CASKIN1: variants seen among roughly 807,000 people sequenced by gnomAD.
CASKIN1 encodes the protein CASK interacting protein 1.
CASKIN1 carries 42 observed loss-of-function variants against 117.5 expected under a neutral mutation model. The observed-to-expected ratio is 0.36, with a 90% confidence interval of 0.28 to 0.46. The LOEUF is 0.46. CASKIN1 is among the 20% of genes least tolerant of loss of function. The pLI, the probability that CASKIN1 is intolerant of heterozygous loss-of-function variation, is 1.00. For synonymous variants in CASKIN1, 1,148 were observed against 961.7 expected, an observed-to-expected ratio of 1.19 and a Z score of -3.59; for missense variants, 2,083 against 2,077.3, an observed-to-expected ratio of 1.00 and a Z score of -0.05.
intron 6 of CASKIN1, among the ~76,000 whole-genome samples, chr16:2,188,062 T>TC (rs1362492560): frequency 6.6e-6 from 1 of 151,630 alleles, no homozygotes; most frequent in African/African-American, 2.4e-5. Context: ...TTTTTTTTTT[T>TC]TGCCTTTGTT....
chr16:2,192,136 A>G (rs915936998), intron 1 of CASKIN1, among the ~76,000 whole-genome samples: 6 of 152,012 alleles, frequency 3.9e-5, no homozygotes, highest in African/African-American at 1.5e-4. Flanking sequence ...TACAAAAAAT[A>G]AAGGAAAAAA....
At chr16:2,194,479 A>G (rs2093210153) in intron 1 of CASKIN1, among the ~76,000 whole-genome samples, 1 of 152,134 alleles carries the variant, frequency 6.6e-6, no homozygotes, top group Non-Finnish European at 1.5e-5. Context: ...AGAGGGGACC[A>G]TGGAAGCAAA....
In CASKIN1 at chr16:2,196,462, G is replaced by GC. The variant is rs1773882700; in HGVS notation, c.-31dup. On this transcript the variant is annotated 5_prime_UTR_variant, in exon 1 of 20. Coordinates refer to ENST00000343516, the MANE Select transcript of CASKIN1 (RefSeq NM_020764.4). This position sits in a 1 kb window ranked among gnomAD's most constrained non-coding sequence, Gnocchi z 5.7. ...CGGCCGGGGCCGCAGCGACGCGGCT[G>GC]CGCTCGTGAGCTCGGCGCGGCTCAG... The GC allele has an allele frequency of 8.9e-7, 1 of 1,126,412 alleles. No individual in the cohort carries two copies. Among genetic ancestry groups the GC allele is most frequent in the South Asian group, 2.6e-5 (1 of 39,010 alleles). The allele number at this position is 1,126,412 out of a possible 1,614,324, so 69.8% of individuals were successfully genotyped here. A position where few individuals can be genotyped will look rare whatever the true frequency, so the allele number is the denominator to read the frequency against.
At chr16:2,192,128 C>CA (rs1156621678) in intron 1 of CASKIN1, among the ~76,000 whole-genome samples, 1 of 151,860 alleles carries the variant, frequency 6.6e-6, no homozygotes, top group African/African-American at 2.4e-5. Context: ...CTTGTCTCTA[C>CA]AAAAAATAAA....
At position 2,179,993 on chromosome 16, in the gene CASKIN1, CTT is replaced by C; in HGVS notation, c.3373_3374del (p.Lys1125GlufsTer21). ...GGTTCTGCTTGGCCCGGATGCGCCTCTTGAGTGTGGCGCTGGCTTCCACCTTG... is the reference window on the plus strand; with the variant it reads ...GGTTCTGCTTGGCCCGGATGCGCCTCGAGTGTGGCGCTGGCTTCCACCTTG... ...LAKVEASATL[K>X]RRIRAKQNQQ... On this transcript the variant is annotated frameshift_variant, in exon 18 of 20. Transcript: ENST00000343516. LOFTEE classifies it high-confidence loss of function. This position sits in a 1 kb window ranked among gnomAD's most constrained non-coding sequence, Gnocchi z 5.8. 3 of 1,604,758 alleles carry C rather than the reference CTT, an allele frequency of 1.9e-6. No individual in the cohort carries two copies. Among genetic ancestry groups the C allele is most frequent in the African/African-American group, 1.3e-5 (1 of 74,822 alleles).
chr16:2,180,764 C>A lies in CASKIN1; in HGVS notation c.2604G>T (p.Glu868Asp). 7.0e-7 allele frequency: 1 copy of A among 1,434,148 alleles called. No homozygotes were observed. Among genetic ancestry groups the A allele is most frequent in the Non-Finnish European group, 9.1e-7 (1 of 1,101,860 alleles). The allele number at this position is 1,434,148 out of a possible 1,614,324, so 88.8% of individuals were successfully genotyped here. The stretch of plus-strand genomic sequence containing the variant: ...TGGGCCGCCCCGGCTCCGCGTCGGC[C>A]TCAGGGGGCAGGCACAGTGTGGGCA... The part of the protein sequence containing the change: ...TAVPTLCLPP[E>D]ADAEPGRPKK... The change falls in exon 18 of 20, where the codon GAG (glutamate) becomes GAT (aspartate). Residue 868 changes from glutamate (E) to aspartate (D), a missense_variant. Glu to Asp is a conservative substitution (Grantham distance 45). Coordinates refer to ENST00000343516, the MANE Select transcript of CASKIN1 (RefSeq NM_020764.4).
chr16:2,191,065 G>A (rs1202756365), intron 1 of CASKIN1, among the ~76,000 whole-genome samples: 1 of 152,226 alleles, frequency 6.6e-6, no homozygotes, highest in Non-Finnish European at 1.5e-5. Context: ...CCAGCCAGCT[G>A]CCAGAGGAGG....
At chr16:2,183,595 C>T (rs1438012633) in intron 16 of CASKIN1, 51 bp downstream of exon 16, 2 of 1,573,596 alleles carry the variant, frequency 1.3e-6, no homozygotes, top group Non-Finnish European at 1.7e-6. Context: ...CTCTGTCTGT[C>T]TGTCTGTCTG....
At position 2,178,467 on chromosome 16, in the gene CASKIN1, G is replaced by A. The variant is rs997379864; in HGVS notation, c.*83C>T. On this transcript the variant is annotated 3_prime_UTR_variant, in exon 20 of 20. Coordinates refer to ENST00000343516, the MANE Select transcript of CASKIN1 (RefSeq NM_020764.4). Reference sequence around the variant, plus strand: ...AGGGCCCTGCCCGGCCGCTCGCGCCGCGCCCAGACGCGCCCATCCTGAGGT... The same window carrying A: ...AGGGCCCTGCCCGGCCGCTCGCGCCACGCCCAGACGCGCCCATCCTGAGGT... 17 of 1,129,434 alleles carry A rather than the reference G, an allele frequency of 1.5e-5. No homozygotes were observed. The highest frequency in any genetic ancestry group is 2.0e-5 in the Non-Finnish European group (17 of 836,310). 70.0% of individuals were successfully genotyped at this position (1,129,434 alleles called of 1,614,324 possible).
At chr16:2,192,275 C>A (rs2093203395) in intron 1 of CASKIN1, among the ~76,000 whole-genome samples, 1 of 151,538 alleles carries the variant, frequency 6.6e-6, no homozygotes, top group Admixed American at 6.6e-5. Context: ...TGCATTCCAA[C>A]CTGGGTGACA....
rs1257435183 is a variant in CASKIN1, at chr16:2,179,827, G to A, written c.3541C>T (p.Pro1181Ser). The part of the protein sequence containing the change: ...HNGTGTVRRR[P>S]ASEQAGPPEL... ...GGAGGCCCAGCCTGCTCCGAGGCCG[G>A]TCGGCGGCGCACGGTGCCAGTGCCA... Residue 1181 changes from proline (P) to serine (S), a missense_variant, in exon 18 of 20, where the codon CCG becomes TCG. Physicochemically the swap from Pro to Ser is moderately conservative, Grantham distance 74. Coordinates refer to ENST00000343516, the MANE Select transcript of CASKIN1 (RefSeq NM_020764.4). The surrounding 1 kb of genome is among the most constrained non-coding windows in gnomAD (Gnocchi z 5.8). The A allele has an allele frequency of 1.3e-6, 2 of 1,596,018 alleles. No homozygotes were observed. The highest frequency in any genetic ancestry group is 2.7e-5 in the African/African-American group (2 of 74,676).
chr16:2,190,420 G>A, intron 1 of CASKIN1, 62 bp from the exon 2 acceptor site: 1 of 1,472,102 alleles, frequency 6.8e-7, no homozygotes. Flanking sequence ...CGGCCTGAGG[G>A]CAGGGAGAGG....
At position 2,182,035 on chromosome 16, in the gene CASKIN1, A is replaced by G; in HGVS notation, c.1630-106T>C. 6.6e-7 allele frequency: 1 copy of G among 1,512,402 alleles called. No homozygotes were observed. Among genetic ancestry groups the G allele is most frequent in the Non-Finnish European group, 9.0e-7 (1 of 1,107,210 alleles). The allele number at this position is 1,512,402 out of a possible 1,614,324, so 93.7% of individuals were successfully genotyped here. A position where few individuals can be genotyped will look rare whatever the true frequency, so the allele number is the denominator to read the frequency against. On this transcript the variant is annotated intron_variant, in intron 16 of 19. Transcript: ENST00000343516. The surrounding 1 kb of genome is among the most constrained non-coding windows in gnomAD (Gnocchi z 4.1). ...GTCACCGGGCCAGCAGGGCACAGAC[A>G]GACAGGAGGACAAACGGATAGGCCG...
Position 2,178,414 on chromosome 16 carries a change from G to A in CASKIN1, c.*136C>T. 3.4e-6 allele frequency: 2 copies of A among 596,252 alleles called. No individual in the cohort carries two copies. The highest frequency in any genetic ancestry group is 5.3e-6 in the Non-Finnish European group (2 of 379,850). 36.9% of individuals were successfully genotyped at this position (596,252 alleles called of 1,614,324 possible). On this transcript the variant is annotated 3_prime_UTR_variant, in exon 20 of 20. Coordinates refer to ENST00000343516, the MANE Select transcript of CASKIN1 (RefSeq NM_020764.4). The stretch of plus-strand genomic sequence containing the variant: ...GGTCCCCGGTGGGCGCCCCGGCCCG[G>A]GTCCAGGGGCCGGAGTTGTGCTTCT...
chr16:2,196,259 G>T lies in CASKIN1; in HGVS notation c.94+80C>A. 2 of 429,676 alleles carry T rather than the reference G, an allele frequency of 4.7e-6. No homozygotes were observed. Among genetic ancestry groups the T allele is most frequent in the Non-Finnish European group, 6.6e-6 (2 of 304,120 alleles). 26.6% of individuals were successfully genotyped at this position (429,676 alleles called of 1,614,324 possible). On this transcript the variant is annotated intron_variant, in intron 1 of 19. Transcript: ENST00000343516. This position sits in a 1 kb window ranked among gnomAD's most constrained non-coding sequence, Gnocchi z 5.7. Reference sequence around the variant, plus strand: ...GGGGACCCGACAACGTCCCCTCCCCGCCCGGCGCCGGGTGGGGGGCTCCGC... The same window carrying T: ...GGGGACCCGACAACGTCCCCTCCCCTCCCGGCGCCGGGTGGGGGGCTCCGC...
rs893980043 is a variant in CASKIN1, at chr16:2,180,978, G to A, written c.2390C>T (p.Pro797Leu). Reference sequence around the variant, plus strand: ...CTTCACCTTGGCCGTAGCTGGGGCTGGACCATGAGGTCCCCCAAGGGCCTG... The same window carrying A: ...CTTCACCTTGGCCGTAGCTGGGGCTAGACCATGAGGTCCCCCAAGGGCCTG... ...SPQALGGPHG[P>L]APATAKVKPT... is the part of the protein sequence containing the mutation. Residue 797 changes from proline (P) to leucine (L), a missense_variant, in exon 18 of 20, where the codon CCA (proline) becomes CTA (leucine). By Grantham distance (98) the Pro-to-Leu change is moderately conservative. Coordinates refer to ENST00000343516, the MANE Select transcript of CASKIN1 (RefSeq NM_020764.4). 1 of 1,474,168 alleles carries A rather than the reference G, an allele frequency of 6.8e-7. No individual in the cohort carries two copies. The allele number at this position is 1,474,168 out of a possible 1,614,324, so 91.3% of individuals were successfully genotyped here.
intron 10 of CASKIN1, 80 bp downstream of exon 10, chr16:2,186,627 C>A: frequency 7.7e-7 from 1 of 1,295,194 alleles, no homozygotes; most frequent in Non-Finnish European, 1.1e-6. Context: ...GCTGGGCCCC[C>A]ACACCCTCAG....
At chr16:2,178,837 T>C (rs929024775) in intron 19 of CASKIN1, 65 bp downstream of exon 19, 4 of 1,293,840 alleles carry the variant, frequency 3.1e-6, no homozygotes, top group African/African-American at 3.5e-5. Flanking sequence ...CGCCCATCTC[T>C]GCCGAGCCCC....
intron 17 of CASKIN1, 62 bp from the exon 18 acceptor site, chr16:2,181,661 A>AGGGGC (rs2093168590): frequency 3.9e-5 from 4 of 101,832 alleles, no homozygotes; most frequent in African/African-American, 1.6e-4. Context: ...GGGCCGGGCT[A>AGGGGC]GGGGCGGGGC....
Sources: allele counts gnomAD v4.1 joint callset (sites outside exome capture counted in the v4.1 genomes callset), GRCh38; gene constraint gnomAD v4.1.1; non-coding constraint Gnocchi (gnomAD v3.1); transcripts MANE v1.5; gene names NCBI Gene and HGNC (gene_info 2026-07-23, HGNC 2026-07-21).